Variants in ANKS1B observed in about 807,000 individuals in gnomAD.
ANKS1B encodes ankyrin repeat and sterile alpha motif domain-containing protein 1B.
A neutral mutation model predicts 148.3 loss-of-function variants in ANKS1B; 36 were observed. That is an observed-to-expected ratio of 0.24 (90% CI 0.19 to 0.32). The LOEUF is 0.32. Ranked by LOEUF, ANKS1B falls within the 10% of genes least tolerant of loss-of-function variation. ANKS1B has a pLI of 1.00. For synonymous variants in ANKS1B, 542 were observed against 560.8 expected (o/e 0.97, Z 0.47); for missense variants, 1,157 against 1,542.6 (o/e 0.75, Z 4.19).
At chr12:99,725,411 C>T (rs1365414190) in intron 8 of ANKS1B, among the ~76,000 whole-genome samples, 3 of 151,942 alleles carry the variant, frequency 2.0e-5, no homozygotes, top group Non-Finnish European at 4.4e-5. Context: ...AAGACAAGGG[C>T]ATTACATAAT....
chr12:99,802,574 G>A (rs2067082060), intron 4 of ANKS1B, among the ~76,000 whole-genome samples: 1 of 152,076 alleles, frequency 6.6e-6, no homozygotes, highest in Non-Finnish European at 1.5e-5. Context: ...TAATGATGCA[G>A]AAAATAAACT....
chr12:98,917,838 A>T lies in ANKS1B; in HGVS notation c.2779-85702T>A, dbSNP rs192756030. Among the ~76,000 whole-genome samples the T allele has an allele frequency of 1.4e-4, 21 of 152,340 alleles. No individual in the cohort carries two copies. The East Asian group carries it at 4.1e-3, about 29-fold the overall frequency. On this transcript the variant is annotated intron_variant, in intron 17 of 26. Transcript: ENST00000683438. ...GTTTTGCAGCTATCTCATGCCAGGC[A>T]TCACACAAGGTACTCAACCCTCATT...
At chr12:99,212,309 A>G (rs565598786) in intron 14 of ANKS1B, among the ~76,000 whole-genome samples, 2 of 151,860 alleles carry the variant, frequency 1.3e-5, no homozygotes, top group South Asian at 2.1e-4. Flanking sequence ...CCAACCAACA[A>G]TCTTCTATAA....
rs562715771 is a variant in ANKS1B at position 99,910,481 on chromosome 12, T to C, written c.134+73623A>G. 4.0e-5 allele frequency among the ~76,000 whole-genome samples: 6 copies of C among 151,882 alleles called. No individual in the cohort carries two copies. In the Middle Eastern group the frequency reaches 0.01, roughly 260 times the overall value. ...GCCACACATTGTATGATTCCACTTA[T>C]ATGAATTGTACAGAATAGGCAAATC... On this transcript the variant is annotated intron_variant, in intron 1 of 26. Transcript: ENST00000683438.
chr12:99,380,045 A>T (rs2093570850), intron 12 of ANKS1B, among the ~76,000 whole-genome samples: 1 of 152,206 alleles, frequency 6.6e-6, no homozygotes, highest in Non-Finnish European at 1.5e-5. Context: ...AAAATGAGGC[A>T]CTTCCACTCT....
chr12:98,806,528 G>A (rs77523867), intron 20 of ANKS1B, among the ~76,000 whole-genome samples: 1,591 of 152,046 alleles, frequency 0.01, 20 homozygotes, highest in African/African-American at 0.037. Flanking sequence ...TTCAGAGATG[G>A]GCTACCCAAA....
chr12:98,808,046 A>G, intron 19 of ANKS1B, 128 bp from the exon 20 acceptor site: 1 of 723,966 alleles, frequency 1.4e-6, no homozygotes, highest in Non-Finnish European at 2.2e-6. Flanking sequence ...AAACTCAAAA[A>G]ATGTTTTAGG....
intron 2 of ANKS1B, among the ~76,000 whole-genome samples, chr12:99,821,653 C>G (rs1283090955): frequency 6.6e-6 from 1 of 151,974 alleles, no homozygotes; most frequent in Non-Finnish European, 1.5e-5. Context: ...CAATGCCAAT[C>G]TGAGAAAGAA....
chr12:99,638,353 T>A (rs1474240422), intron 9 of ANKS1B, among the ~76,000 whole-genome samples: 1 of 152,078 alleles, frequency 6.6e-6, no homozygotes, highest in Non-Finnish European at 1.5e-5. Flanking sequence ...ATGGCTTTGG[T>A]CAAAATGTTG....
rs1197628857 is a variant in ANKS1B at position 99,584,630 on chromosome 12, G to A, written c.1272+70437C>T. Among the ~76,000 whole-genome samples, 6 of 151,932 alleles carry A rather than the reference G, an allele frequency of 3.9e-5. No individual in the cohort carries two copies. In the South Asian group the frequency reaches 6.2e-4, roughly 16 times the overall value. The stretch of plus-strand genomic sequence containing the variant: ...AATATATATATATATCTGTTCTCAC[G>A]CTGCTAATTAAGATATACCCATTTA... On this transcript the variant is annotated intron_variant, in intron 9 of 26. Transcript: ENST00000683438.
intron 15 of ANKS1B, among the ~76,000 whole-genome samples, chr12:99,112,275 G>A (rs957026168): frequency 6.6e-6 from 1 of 152,018 alleles, no homozygotes; most frequent in Admixed American, 6.6e-5. Context: ...AGATGCATAG[G>A]TTAGACCCTG....
intron 22 of ANKS1B, among the ~76,000 whole-genome samples, chr12:98,795,950 G>A (rs898119660): frequency 2.0e-5 from 3 of 152,152 alleles, no homozygotes; most frequent in East Asian, 1.9e-4. Context: ...TGCAGGGCAG[G>A]GTGTACAGCT....
intron 25 of ANKS1B, among the ~76,000 whole-genome samples, chr12:98,764,594 C>A (rs543355306): frequency 1.3e-5 from 2 of 152,124 alleles, no homozygotes; most frequent in African/African-American, 4.8e-5. Flanking sequence ...AAATTTGAAC[C>A]CTTGTTGTTT....
At chr12:98,811,439 C>G (rs1018425043) in intron 19 of ANKS1B, among the ~76,000 whole-genome samples, 1 of 152,172 alleles carries the variant, frequency 6.6e-6, no homozygotes, top group South Asian at 2.1e-4. Context: ...CAGGGCATCC[C>G]TCCCCAAGAC....
intron 10 of ANKS1B, among the ~76,000 whole-genome samples, chr12:99,494,123 G>A (rs1376154444): frequency 1.3e-5 from 2 of 152,180 alleles, no homozygotes; most frequent in Non-Finnish European, 2.9e-5. Context: ...AGATGGAGGT[G>A]TCGCCAACCT....
At chr12:98,926,362 A>G (rs989523391) in intron 17 of ANKS1B, among the ~76,000 whole-genome samples, 1 of 152,214 alleles carries the variant, frequency 6.6e-6, no homozygotes, top group African/African-American at 2.4e-5. Context: ...GAAAGTCACT[A>G]AACAAACAGC....
At chr12:99,276,030 C>G (rs1220967799) in intron 12 of ANKS1B, among the ~76,000 whole-genome samples, 1 of 152,050 alleles carries the variant, frequency 6.6e-6, no homozygotes, top group African/African-American at 2.4e-5. Flanking sequence ...GTAAACTTTT[C>G]AAGAGAAAAA....
chr12:99,914,481 C>G (rs1405218481), intron 1 of ANKS1B, among the ~76,000 whole-genome samples: 2 of 152,150 alleles, frequency 1.3e-5, no homozygotes, highest in African/African-American at 4.8e-5. Flanking sequence ...ATGAGAATGG[C>G]AGGCTTGGGT....
At chr12:99,619,690 T>C (rs538445216) in intron 9 of ANKS1B, among the ~76,000 whole-genome samples, 3 of 152,144 alleles carry the variant, frequency 2.0e-5, no homozygotes, top group Non-Finnish European at 2.9e-5. Context: ...CCCAGGCAGA[T>C]TTCTAGGCAT....
Sources: allele counts gnomAD v4.1 joint callset (sites outside exome capture counted in the v4.1 genomes callset), GRCh38; gene constraint gnomAD v4.1.1; transcripts MANE v1.5; gene names NCBI Gene and HGNC (gene_info 2026-07-23, HGNC 2026-07-21).